The following SEC61A2 variants were observed in gnomAD, a reference collection of about 807,000 sequenced individuals.
The protein encoded by SEC61A2 is SEC61 translocon subunit alpha 2.
In SEC61A2, 28 loss-of-function variants were observed where a neutral mutation model predicts 59.9. The observed-to-expected ratio is 0.47, with a 90% CI of 0.35 to 0.64. The LOEUF (loss-of-function observed/expected upper bound fraction) is 0.64, where lower values mean the gene tolerates loss of function less well. SEC61A2 is among the 30% of genes least tolerant of loss of function. SEC61A2 has a pLI of 0.01. For missense variants in SEC61A2, 340 were observed against 585.9 expected, an observed-to-expected ratio of 0.58 and a Z score of 4.33; for synonymous variants, 202 against 214.4, an observed-to-expected ratio of 0.94 and a Z score of 0.50.
downstream of SEC61A2, chr10:12,165,428 A>G (rs867467754): frequency 6.6e-6 from 6 of 903,254 alleles, 1 homozygote; most frequent in Middle Eastern, 2.3e-3. Flanking sequence ...GATCATTTGT[A>G]TAGGTTCAGT....
At chr10:12,159,414 G>A (rs902368155) in intron 9 of SEC61A2, among the ~76,000 whole-genome samples, 4 of 152,138 alleles carry the variant, frequency 2.6e-5, no homozygotes, top group Non-Finnish European at 4.4e-5. Flanking sequence ...TTAGCCAGGC[G>A]TGTTGGCTCT....
chr10:12,137,816 G>A (rs11257560), intron 3 of SEC61A2, among the ~76,000 whole-genome samples: 60,661 of 151,846 alleles, frequency 0.4, 13,247 homozygotes, highest in South Asian at 0.55. Flanking sequence ...GACCAGTCTG[G>A]TCAACATGGT....
In SEC61A2 at chr10:12,160,709, CAATA is replaced by C. The variant is rs1340791691; in HGVS notation, c.976-220_976-217del. Among the ~76,000 whole-genome samples, 3 of 151,792 alleles carry C rather than the reference CAATA, an allele frequency of 2.0e-5. No homozygotes were observed. Among genetic ancestry groups the C allele is most frequent in the South Asian group, 2.1e-4 (1 of 4,830 alleles). ...TATATTACAATTTTTAAAAATGACT[CAATA>C]TTTTCACAGTGTCTTGCATGTAATA... On this transcript the variant is annotated intron_variant, in intron 9 of 11. Transcript: ENST00000298428. This position sits in a 1 kb window ranked among gnomAD's most constrained non-coding sequence, Gnocchi z 4.1.
chr10:12,157,205 C>A, intron 8 of SEC61A2, 138 bp downstream of exon 8: 1 of 775,602 alleles, frequency 1.3e-6, no homozygotes, highest in African/African-American at 1.8e-5. Flanking sequence ...ATTAGAGTCT[C>A]CAGACTCTGA....
Position 12,165,298 on chromosome 10 carries a change from C to CT in SEC61A2, c.*845dup. On this transcript the variant is annotated 3_prime_UTR_variant, in exon 12 of 12. Transcript: ENST00000298428. ...ATATATTCATGCTAGGAATTTGTGT[C>CT]TGTTGTTGTACTCACAGCAGCAACA... is the stretch of plus-strand genomic sequence containing the variant. 1 of 985,322 alleles carries CT rather than the reference C, an allele frequency of 1.0e-6. No homozygotes were observed. The highest frequency in any genetic ancestry group is 1.2e-6 in the Non-Finnish European group (1 of 829,846). 61.0% of individuals were successfully genotyped at this position (985,322 alleles called of 1,614,324 possible).
rs1171742411 is a variant in SEC61A2 at position 12,152,614 on chromosome 10, G to T, written c.462+2653G>T. 6.6e-6 allele frequency among the ~76,000 whole-genome samples: 1 copy of T among 152,014 alleles called. No homozygotes were observed. Among genetic ancestry groups the T allele is most frequent in the Non-Finnish European group, 1.5e-5 (1 of 68,016 alleles). Reference sequence around the variant, plus strand: ...GTCTCTACTAAAAACACAAAAATTGGCCGGGTGCAGTGGCTCACACCTGTA... The same window carrying T: ...GTCTCTACTAAAAACACAAAAATTGTCCGGGTGCAGTGGCTCACACCTGTA... On this transcript the variant is annotated intron_variant, in intron 6 of 11. Coordinates refer to ENST00000298428, the MANE Select transcript of SEC61A2 (RefSeq NM_018144.4). The surrounding 1 kb of genome is among the most constrained non-coding windows in gnomAD (Gnocchi z 5.5).
downstream of SEC61A2, among the ~76,000 whole-genome samples, chr10:12,168,576 C>G (rs1351791477): frequency 6.6e-6 from 1 of 152,146 alleles, no homozygotes; most frequent in Non-Finnish European, 1.5e-5. The surrounding 1 kb of genome is among the most constrained non-coding windows in gnomAD (Gnocchi z 4.8). Flanking sequence ...CACAGGCTTT[C>G]ATTAAAATTT....
At chr10:12,133,381 C>T (rs1195992858) in intron 2 of SEC61A2, 73 bp downstream of exon 2, 8 of 746,554 alleles carry the variant, frequency 1.1e-5, no homozygotes, top group Non-Finnish European at 1.6e-5. Flanking sequence ...AATTCATTTC[C>T]TTACCTCAGT....
At chr10:12,139,758 T>G (rs1833968537) in intron 3 of SEC61A2, among the ~76,000 whole-genome samples, 2 of 151,738 alleles carry the variant, frequency 1.3e-5, no homozygotes, top group African/African-American at 4.8e-5. Context: ...CACTCCAGTC[T>G]GGGCGACAGA....
rs1199525836 is a variant in SEC61A2, at chr10:12,131,682, CTTTTTT to C, written c.8-1536_8-1531del. On this transcript the variant is annotated intron_variant, in intron 1 of 11. Transcript: ENST00000298428. Reference sequence around the variant, plus strand: ...ATGAAATCAAACAGAGATTACATACCTTTTTTTTTTTTTTTTTTTTTTTTTTTTGAG... The same window carrying C: ...ATGAAATCAAACAGAGATTACATACCTTTTTTTTTTTTTTTTTTTTTTGAG... Among the ~76,000 whole-genome samples the C allele has an allele frequency of 1.1e-4, 5 of 46,538 alleles. No individual in the cohort carries two copies. The East Asian group carries it at 4.5e-3, about 42-fold the overall frequency. 30.5% of individuals were successfully genotyped at this position (46,538 alleles called of 152,430 possible). A position where few individuals can be genotyped will look rare whatever the true frequency, so the allele number is the denominator to read the frequency against.
At chr10:12,141,639 G>A (rs536031806) in intron 3 of SEC61A2, among the ~76,000 whole-genome samples, 1 of 152,148 alleles carries the variant, frequency 6.6e-6, no homozygotes, top group South Asian at 2.1e-4. Context: ...GATTTAAAAA[G>A]ATATCTCCTC....
chr10:12,133,835 T>C (rs1018986944), intron 2 of SEC61A2, among the ~76,000 whole-genome samples: 1 of 152,244 alleles, frequency 6.6e-6, no homozygotes, highest in Non-Finnish European at 1.5e-5. Flanking sequence ...TCTTCCATCA[T>C]TGCAAACTTT....
chr10:12,151,330 T>TG lies in SEC61A2; in HGVS notation c.462+1370dup, dbSNP rs527517454. 2.9e-3 allele frequency among the ~76,000 whole-genome samples: 437 copies of TG among 149,970 alleles called. 14 individuals carry two copies. Among genetic ancestry groups the TG allele is most frequent in the Admixed American group, 0.023 (353 of 15,130 alleles). ...CTTTTTCTTTTCTTTTTTTTTTTTTTGAGACACAGTCTTGCTGTGTCGCCA... is the reference window on the plus strand; with the variant it reads ...CTTTTTCTTTTCTTTTTTTTTTTTTTGGAGACACAGTCTTGCTGTGTCGCCA... On this transcript the variant is annotated intron_variant, in intron 6 of 11. Transcript: ENST00000298428.
At chr10:12,165,519 C>A, downstream of SEC61A2, 1 of 246,308 alleles carries the variant, frequency 4.1e-6, no homozygotes, top group Non-Finnish European at 6.5e-6. Context: ...AAATTATTGA[C>A]AGATAGATAG....
rs1199673298 is a variant in SEC61A2, at chr10:12,145,787, CAT to C, written c.220+2593_220+2594del. 2.0e-5 allele frequency among the ~76,000 whole-genome samples: 3 copies of C among 152,116 alleles called. No homozygotes were observed. Among genetic ancestry groups the C allele is most frequent in the Non-Finnish European group, 4.4e-5 (3 of 68,022 alleles). ...TGACATGAAAAGAAAAAAGAAAAAA[CAT>C]TGTTTTAAATAAAGGAGAAAAATTA... On this transcript the variant is annotated intron_variant, in intron 4 of 11. Coordinates refer to ENST00000298428, the MANE Select transcript of SEC61A2 (RefSeq NM_018144.4). The surrounding 1 kb of genome is among the most constrained non-coding windows in gnomAD (Gnocchi z 4.4).
At chr10:12,141,706 G>A (rs982601600) in intron 3 of SEC61A2, among the ~76,000 whole-genome samples, 4 of 152,016 alleles carry the variant, frequency 2.6e-5, no homozygotes, top group South Asian at 4.2e-4. Context: ...ATACACTTTC[G>A]TACTTCGTTT....
At chr10:12,138,203 A>T (rs761403983) in intron 3 of SEC61A2, among the ~76,000 whole-genome samples, 3 of 152,190 alleles carry the variant, frequency 2.0e-5, no homozygotes, top group Non-Finnish European at 4.4e-5. Context: ...AAATGATCTG[A>T]TAATTAAAGT....
Position 12,162,934 on chromosome 10 carries a change from C to G in SEC61A2, c.1244+645C>G, listed in dbSNP as rs2131683672. Among the ~76,000 whole-genome samples, 1 of 152,310 alleles carries G rather than the reference C, an allele frequency of 6.6e-6. No homozygotes were observed. Among genetic ancestry groups the G allele is most frequent in the Middle Eastern group, 3.4e-3 (1 of 294 alleles). On this transcript the variant is annotated intron_variant, in intron 11 of 11. Coordinates refer to ENST00000298428, the MANE Select transcript of SEC61A2 (RefSeq NM_018144.4). This position sits in a 1 kb window ranked among gnomAD's most constrained non-coding sequence, Gnocchi z 6.1. ...TCTTTCACTTGGCATCATGTTTTCA[C>G]AGTTCATATCCTTAATTCTTTTCAT...
downstream of SEC61A2, among the ~76,000 whole-genome samples, chr10:12,169,092 C>A (rs1001696975): frequency 6.6e-6 from 1 of 152,156 alleles, no homozygotes; most frequent in African/African-American, 2.4e-5. The surrounding 1 kb of genome is among the most constrained non-coding windows in gnomAD (Gnocchi z 4.8). Flanking sequence ...GTAATACTTT[C>A]CTTCCGACTT....
Sources: allele counts gnomAD v4.1 joint callset (sites outside exome capture counted in the v4.1 genomes callset), GRCh38; gene constraint gnomAD v4.1.1; non-coding constraint Gnocchi (gnomAD v3.1); transcripts MANE v1.5; gene names NCBI Gene and HGNC (gene_info 2026-07-23, HGNC 2026-07-21).